BLMH: variants seen among roughly 807,000 people sequenced by gnomAD.
BLMH encodes bleomycin hydrolase.
A neutral mutation model predicts 61.6 loss-of-function variants in BLMH; 32 were observed. The observed-to-expected ratio is 0.52, with a 90% confidence interval of 0.39 to 0.70. The LOEUF (loss-of-function observed/expected upper bound fraction) is 0.70, where lower values mean the gene tolerates loss of function less well. BLMH is among the 30% of genes least tolerant of loss of function. The probability of loss-of-function intolerance (pLI) is 0.00; values close to 1 mark genes in which losing one functional copy is unlikely to be tolerated. For missense variants in BLMH, 460 were observed against 555.5 expected (o/e 0.83, Z 1.73); for synonymous variants, 183 against 193.8 (o/e 0.94, Z 0.46).
intron 3 of BLMH, among the ~76,000 whole-genome samples, chr17:30,288,972 TA>T (rs1176189534): frequency 6.6e-6 from 1 of 151,968 alleles, no homozygotes; most frequent in Non-Finnish European, 1.5e-5. Context: ...CTCAAAAAAA[TA>T]AATAAACAAA....
chr17:30,275,086 C>T (rs1369526896), intron 6 of BLMH, among the ~76,000 whole-genome samples: 1 of 149,496 alleles, frequency 6.7e-6, no homozygotes, highest in Non-Finnish European at 1.5e-5. Flanking sequence ...GCGTGGTGGC[C>T]TGTGCCTGTG....
intron 5 of BLMH, among the ~76,000 whole-genome samples, chr17:30,285,813 G>T (rs926575196): frequency 6.6e-6 from 1 of 152,170 alleles, no homozygotes; most frequent in African/African-American, 2.4e-5. Context: ...CAGGAGACAA[G>T]ATAATTATGC....
intron 10 of BLMH, among the ~76,000 whole-genome samples, chr17:30,267,539 A>G (rs1035725620): frequency 1.3e-5 from 2 of 152,340 alleles, no homozygotes; most frequent in South Asian, 4.1e-4. Context: ...TTCAAAGAAG[A>G]GACTGAATGG....
At chr17:30,265,036 GTTAAC>G (rs1908061998) in intron 11 of BLMH, among the ~76,000 whole-genome samples, 1 of 152,180 alleles carries the variant, frequency 6.6e-6, no homozygotes, top group African/African-American at 2.4e-5. Flanking sequence ...ATTCGTAGTA[GTTAAC>G]TTAATAGGCA....
intron 11 of BLMH, chr17:30,251,933 C>G (rs1437529196): frequency 6.6e-6 from 1 of 151,874 alleles, no homozygotes; most frequent in Non-Finnish European, 1.5e-5. Flanking sequence ...TGAATATAAA[C>G]AATATATTTT....
rs114313465 is a variant in BLMH at position 30,272,846 on chromosome 17, T to G, written c.855A>C (p.Thr285=). ...RPQHKYNKLY[T]VEYLSNMVGG... ...CAACCATATTGCTTAAGTATTCCAC[T>G]GTGTAAAGTTTGTTGTACTTGTGCT... The change falls in exon 8 of 12, where the codon ACA becomes ACC. Residue 285 remains threonine (T), a synonymous_variant. Transcript: ENST00000261714. 9 of 1,614,186 alleles carry G rather than the reference T, an allele frequency of 5.6e-6. No individual in the cohort carries two copies. The highest frequency in any genetic ancestry group is 7.6e-6 in the Non-Finnish European group (9 of 1,180,028).
At chr17:30,261,230 C>T (rs1293660227) in intron 11 of BLMH, among the ~76,000 whole-genome samples, 1 of 152,098 alleles carries the variant, frequency 6.6e-6, no homozygotes, top group Non-Finnish European at 1.5e-5. Context: ...ATTTGAATTC[C>T]AATTCTATCT....
intron 6 of BLMH, among the ~76,000 whole-genome samples, chr17:30,278,364 A>C (rs1177051393): frequency 6.6e-6 from 1 of 152,244 alleles, no homozygotes; most frequent in Non-Finnish European, 1.5e-5. Flanking sequence ...CATATCCCTC[A>C]GAATATAATT....
At chr17:30,290,261 G>A (rs1414597911) in intron 2 of BLMH, among the ~76,000 whole-genome samples, 1 of 152,154 alleles carries the variant, frequency 6.6e-6, no homozygotes, top group East Asian at 1.9e-4. Context: ...CAACTCACAT[G>A]CTATTTGGAT....
At chr17:30,273,995 G>A (rs745591487) in intron 7 of BLMH, 47 bp downstream of exon 7, 1 of 1,602,594 alleles carries the variant, frequency 6.2e-7, no homozygotes, top group South Asian at 1.1e-5. Flanking sequence ...GTGGTTAACA[G>A]CCATTTGAAA....
At chr17:30,287,492 A>G (rs1384653962) in intron 4 of BLMH, among the ~76,000 whole-genome samples, 1 of 152,254 alleles carries the variant, frequency 6.6e-6, no homozygotes, top group Non-Finnish European at 1.5e-5. Flanking sequence ...AGACATTTTA[A>G]CACAGCTACA....
intron 11 of BLMH, among the ~76,000 whole-genome samples, 190 bp downstream of exon 11, chr17:30,266,695 G>A (rs1235380460): frequency 6.6e-6 from 1 of 152,168 alleles, no homozygotes; most frequent in Non-Finnish European, 1.5e-5. Context: ...GCCAACCTGG[G>A]AGTTCAGGCA....
intron 3 of BLMH, chr17:30,288,317 TAAAAC>T (rs1469217165): frequency 6.3e-6 from 1 of 158,194 alleles, no homozygotes; most frequent in African/African-American, 2.4e-5. Flanking sequence ...ATTCCAATGC[TAAAAC>T]AAAACATTTA....
At chr17:30,269,533 G>A (rs1293313237) in intron 10 of BLMH, among the ~76,000 whole-genome samples, 1 of 152,106 alleles carries the variant, frequency 6.6e-6, no homozygotes, top group African/African-American at 2.4e-5. Context: ...TCAAATGTGA[G>A]AATTTTGTTA....
intron 6 of BLMH, among the ~76,000 whole-genome samples, chr17:30,277,033 C>G (rs1283669483): frequency 6.6e-6 from 1 of 152,192 alleles, no homozygotes; most frequent in Non-Finnish European, 1.5e-5. Context: ...TGTATATGAG[C>G]AATTTGTTCA....
intron 6 of BLMH, among the ~76,000 whole-genome samples, chr17:30,280,755 G>C (rs994615926): frequency 6.6e-6 from 1 of 152,164 alleles, no homozygotes; most frequent in Non-Finnish European, 1.5e-5. Context: ...TGGGATTATA[G>C]ACATTAGCCA....
chr17:30,277,086 A>G (rs1436834723), intron 6 of BLMH, among the ~76,000 whole-genome samples: 1 of 152,216 alleles, frequency 6.6e-6, no homozygotes, highest in Non-Finnish European at 1.5e-5. Flanking sequence ...AACTTAGAGA[A>G]GAAGTTATGC....
At chr17:30,276,373 G>T (rs553548130) in intron 6 of BLMH, among the ~76,000 whole-genome samples, 48 of 152,236 alleles carry the variant, frequency 3.2e-4, no homozygotes, top group African/African-American at 9.4e-4. Context: ...TGAACTTAGG[G>T]CTGACTTTAA....
chr17:30,257,071 G>C (rs976904150), intron 11 of BLMH, among the ~76,000 whole-genome samples: 1 of 152,176 alleles, frequency 6.6e-6, no homozygotes, highest in African/African-American at 2.4e-5. Flanking sequence ...TGTCATTTCT[G>C]GGACTTCATC....
Sources: gnomAD v4.1 joint callset for allele counts (sites outside exome capture counted in the v4.1 genomes callset) on GRCh38, gnomAD v4.1.1 for gene constraint, MANE v1.5 for transcripts, NCBI Gene and HGNC (gene_info 2026-07-23, HGNC 2026-07-21) for gene names.